CLIC4: variants seen among roughly 807,000 people sequenced by gnomAD.
CLIC4 encodes CLIC family member 4.
CLIC4 carries 13 observed loss-of-function variants against 24.6 expected under a neutral mutation model. The ratio of observed to expected loss-of-function variants is 0.53; its 90% confidence interval spans 0.34 to 0.84. The LOEUF (loss-of-function observed/expected upper bound fraction) is 0.84, where lower values mean the gene tolerates loss of function less well. CLIC4 is among the 40% of genes least tolerant of loss of function. The pLI is 0.01. For synonymous variants in CLIC4, 104 were observed against 111.3 expected, an observed-to-expected ratio of 0.93 and a Z score of 0.41; for missense variants, 227 against 301.7, an observed-to-expected ratio of 0.75 and a Z score of 1.83.
At chr1:24,808,501 C>T (rs1203612949) in intron 2 of CLIC4, among the ~76,000 whole-genome samples, 2 of 151,350 alleles carry the variant, frequency 1.3e-5, no homozygotes, top group Non-Finnish European at 2.9e-5. Context: ...CAACTGCAAC[C>T]GCCCCCGCCC....
intron 1 of CLIC4, among the ~76,000 whole-genome samples, chr1:24,761,506 C>G (rs904528893): frequency 1.3e-5 from 2 of 152,040 alleles, no homozygotes; most frequent in Non-Finnish European, 2.9e-5. Context: ...AAGGGTGTGA[C>G]TGGAAAACAG....
At chr1:24,822,005 A>G (rs1639739595) in intron 3 of CLIC4, among the ~76,000 whole-genome samples, 1 of 152,206 alleles carries the variant, frequency 6.6e-6, no homozygotes, top group South Asian at 2.1e-4. Context: ...TAATCCTCAC[A>G]AAGACTTTGT....
At position 24,841,994 on chromosome 1, in the gene CLIC4, A is replaced by G. The variant is rs1557818063; in HGVS notation, c.*1057A>G. The stretch of plus-strand genomic sequence containing the variant: ...ATGTAGATGACCTAAAGAATGCGTT[A>G]TCCATCCTATATAAAAGAAAGATAA... On this transcript the variant is annotated 3_prime_UTR_variant, in exon 6 of 6. Transcript: ENST00000374379. 1 of 152,668 alleles carries G rather than the reference A, an allele frequency of 6.6e-6. No homozygotes were observed. Among genetic ancestry groups the G allele is most frequent in the African/African-American group, 2.4e-5 (1 of 41,476 alleles). The allele number at this position is 152,668 out of a possible 1,614,324, so 9.5% of individuals were successfully genotyped here.
At chr1:24,824,510 C>T (rs1009725397) in intron 3 of CLIC4, among the ~76,000 whole-genome samples, 7 of 152,250 alleles carry the variant, frequency 4.6e-5, no homozygotes, top group Middle Eastern at 3.4e-3. Context: ...TCAATTGATC[C>T]GCCCACCTTG....
chr1:24,772,666 A>G (rs1571236379), intron 1 of CLIC4, among the ~76,000 whole-genome samples: 1 of 152,266 alleles, frequency 6.6e-6, no homozygotes. Context: ...TTGTATTATT[A>G]GTAGAGACGG....
chr1:24,770,483 GT>G (rs559136177), intron 1 of CLIC4, among the ~76,000 whole-genome samples: 8 of 152,196 alleles, frequency 5.3e-5, no homozygotes, highest in South Asian at 2.1e-4. Context: ...TTTTGGATCT[GT>G]TTTTTCCCCC....
intron 4 of CLIC4, among the ~76,000 whole-genome samples, chr1:24,830,120 A>C (rs1288067637): frequency 6.6e-6 from 1 of 152,192 alleles, no homozygotes; most frequent in Non-Finnish European, 1.5e-5. Context: ...AATTTTACTC[A>C]TTCAAATCAT....
intron 2 of CLIC4, among the ~76,000 whole-genome samples, chr1:24,809,092 A>G (rs369484937): frequency 6.6e-6 from 1 of 152,190 alleles, no homozygotes; most frequent in South Asian, 2.1e-4. Flanking sequence ...AGACTAAAGA[A>G]TGTTCAGTGA....
chr1:24,820,079 GTATATA>G (rs779189334), intron 3 of CLIC4, among the ~76,000 whole-genome samples: 2 of 46,334 alleles, frequency 4.3e-5, no homozygotes, highest in African/African-American at 7.4e-5. Flanking sequence ...ATATATATAT[GTATATA>G]TATATATATA....
intron 2 of CLIC4, among the ~76,000 whole-genome samples, chr1:24,802,926 C>G (rs1251232146): frequency 1.3e-5 from 2 of 152,068 alleles, no homozygotes; most frequent in East Asian, 3.9e-4. Context: ...CCAGGCTGGT[C>G]TTGAACTCCT....
At chr1:24,777,165 A>C (rs1639151195) in intron 1 of CLIC4, among the ~76,000 whole-genome samples, 1 of 152,084 alleles carries the variant, frequency 6.6e-6, no homozygotes, top group Admixed American at 6.6e-5. Flanking sequence ...AGCTCTATTG[A>C]TGCAGCCCAT....
intron 1 of CLIC4, among the ~76,000 whole-genome samples, chr1:24,790,429 A>G (rs1639319918): frequency 6.6e-6 from 1 of 152,254 alleles, no homozygotes; most frequent in South Asian, 2.1e-4. Flanking sequence ...GAAAAGAAAA[A>G]TAAATAAATA....
intron 1 of CLIC4, among the ~76,000 whole-genome samples, chr1:24,760,343 G>C (rs1213067993): frequency 6.6e-6 from 1 of 152,112 alleles, no homozygotes; most frequent in East Asian, 1.9e-4. Context: ...TCCAGTGACA[G>C]AGGGGGACTC....
chr1:24,784,185 CAA>C (rs1481828736), intron 1 of CLIC4, among the ~76,000 whole-genome samples: 8 of 152,044 alleles, frequency 5.3e-5, no homozygotes, highest in Non-Finnish European at 1.2e-4. Flanking sequence ...TTACAAATAT[CAA>C]AAAGTGTGAA....
At chr1:24,798,496 C>T (rs566830824) in intron 2 of CLIC4, among the ~76,000 whole-genome samples, 2 of 152,088 alleles carry the variant, frequency 1.3e-5, no homozygotes, top group East Asian at 1.9e-4. Flanking sequence ...TGAGAAGAGC[C>T]GTGATGAGTA....
intron 1 of CLIC4, among the ~76,000 whole-genome samples, chr1:24,773,465 T>G (rs1639096234): frequency 6.6e-6 from 1 of 152,184 alleles, no homozygotes; most frequent in South Asian, 2.1e-4. Flanking sequence ...GCATTTCACC[T>G]ATGTCCCAAC....
chr1:24,825,132 C>T (rs903957332), intron 3 of CLIC4, among the ~76,000 whole-genome samples: 1 of 151,926 alleles, frequency 6.6e-6, no homozygotes. Context: ...TATAAATGAT[C>T]TGTAATTCAA....
At chr1:24,746,303 T>TC (rs1322969899) in intron 1 of CLIC4, among the ~76,000 whole-genome samples, 1 of 152,094 alleles carries the variant, frequency 6.6e-6, no homozygotes, top group Non-Finnish European at 1.5e-5. Flanking sequence ...TTTTGGCTTC[T>TC]CCCCCCGGCG....
intron 1 of CLIC4, among the ~76,000 whole-genome samples, chr1:24,747,550 A>G (rs1334425910): frequency 2.7e-5 from 4 of 149,244 alleles, no homozygotes; most frequent in Admixed American, 2.0e-4. Flanking sequence ...AAAAAAAAAA[A>G]AGAAAGAAAG....
Sources: gnomAD v4.1 joint callset for allele counts (sites outside exome capture counted in the v4.1 genomes callset) on GRCh38, gnomAD v4.1.1 for gene constraint, MANE v1.5 for transcripts, NCBI Gene and HGNC (gene_info 2026-07-23, HGNC 2026-07-21) for gene names.